The following NUP58 variants were observed in gnomAD, a reference collection of about 807,000 sequenced individuals.
NUP58 encodes the protein nucleoporin 58, also known as nucleoporin p58/p45.
Under a neutral mutation model 70.1 loss-of-function variants are expected in NUP58, and 17 were observed. The observed-to-expected ratio is 0.24, with a 90% CI of 0.17 to 0.36. The LOEUF is 0.36. NUP58 is among the 10% of genes least tolerant of loss of function. The pLI, the probability that NUP58 is intolerant of heterozygous loss-of-function variation, is 1.00. For synonymous variants in NUP58, 275 were observed against 257.6 expected, an observed-to-expected ratio of 1.07 and a Z score of -0.65; for missense variants, 644 against 701.5, an observed-to-expected ratio of 0.92 and a Z score of 0.93.
chr13:25,340,288 C>A lies in NUP58; in HGVS notation c.*154C>A. 1 of 626,302 alleles carries A rather than the reference C, an allele frequency of 1.6e-6. No homozygotes were observed. The highest frequency in any genetic ancestry group is 2.5e-6 in the Non-Finnish European group (1 of 404,268). 38.8% of individuals were successfully genotyped at this position (626,302 alleles called of 1,614,324 possible). ...GAATTTGAACTTTCTTCATGTTTGC[C>A]ATACTGAACATCTTTTTTCTTGTGG... On this transcript the variant is annotated 3_prime_UTR_variant, in exon 16 of 16. Transcript: ENST00000381736.
At chr13:25,326,830 A>G in intron 10 of NUP58, 86 bp from the exon 11 acceptor site, 1 of 693,518 alleles carries the variant, frequency 1.4e-6, no homozygotes, top group Admixed American at 2.6e-5. Context: ...GAAGACTATT[A>G]AATGATTGCA....
intron 15 of NUP58, among the ~76,000 whole-genome samples, chr13:25,339,422 A>G (rs1412734827): frequency 2.0e-5 from 3 of 152,242 alleles, no homozygotes. Context: ...CCATGTTATC[A>G]GGATTATAAT....
At chr13:25,335,436 T>C in intron 13 of NUP58, 1 of 985,332 alleles carries the variant, frequency 1.0e-6, no homozygotes, top group Non-Finnish European at 1.2e-6. Context: ...GTTAAAGAAC[T>C]GGACATGTGT....
At chr13:25,306,618 G>T (rs568850519) in intron 1 of NUP58, among the ~76,000 whole-genome samples, 116 of 152,194 alleles carry the variant, frequency 7.6e-4, no homozygotes, top group African/African-American at 2.6e-3. Flanking sequence ...GGGCAGCAAA[G>T]GAAATAATAA....
intron 1 of NUP58, among the ~76,000 whole-genome samples, chr13:25,305,145 T>TG (rs777661901): frequency 0.054 from 2,971 of 55,202 alleles, 105 homozygotes; most frequent in South Asian, 0.084. Flanking sequence ...TTTTTTTTTT[T>TG]TTTTTTTTTT....
At chr13:25,306,587 T>C (rs1279758082) in intron 1 of NUP58, among the ~76,000 whole-genome samples, 1 of 152,062 alleles carries the variant, frequency 6.6e-6, no homozygotes, top group Non-Finnish European at 1.5e-5. Context: ...GGTTCTCCCA[T>C]GGTGATTATT....
chr13:25,312,524 C>T lies in NUP58; in HGVS notation c.287-359C>T, dbSNP rs115158488. Among the ~76,000 whole-genome samples the T allele has an allele frequency of 3.0e-3, 454 of 152,276 alleles. 5 individuals are homozygous for T. The highest frequency in any genetic ancestry group is 0.01 in the African/African-American group (436 of 41,556). On this transcript the variant is annotated intron_variant, in intron 3 of 15. Transcript: ENST00000381736. ...CTGGGGTTACAAGTGTGCACCACCA[C>T]ATTGAGCTAATTTTTGTATTTTAGC...
chr13:25,337,039 A>G lies in NUP58; in HGVS notation c.1534+5A>G. 2 of 1,574,152 alleles carry G rather than the reference A, an allele frequency of 1.3e-6. No individual in the cohort carries two copies. Among genetic ancestry groups the G allele is most frequent in the Non-Finnish European group, 1.7e-6 (2 of 1,158,332 alleles). ...TAGGTTCTTCAAACCTTGGAGGTAC[A>G]CTTTAACTTTTCTAATATTTCATTG... On this transcript the variant is annotated splice_donor_5th_base_variant and intron_variant, in intron 14 of 15. Transcript: ENST00000381736.
At chr13:25,310,195 A>C (rs1490435235) in intron 3 of NUP58, among the ~76,000 whole-genome samples, 1 of 137,258 alleles carries the variant, frequency 7.3e-6, no homozygotes, top group African/African-American at 2.8e-5. Context: ...ACATACCACA[A>C]CCCTTGGCTA....
chr13:25,334,354 T>A (rs2137823513), intron 13 of NUP58: 1 of 985,414 alleles, frequency 1.0e-6, no homozygotes, highest in Admixed American at 6.1e-5. Context: ...GAGTTCTTGA[T>A]GTTTACATAA....
At chr13:25,336,155 G>A in intron 13 of NUP58, 2 of 1,341,144 alleles carry the variant, frequency 1.5e-6, no homozygotes, top group Non-Finnish European at 2.0e-6. Context: ...TGAATGTATT[G>A]AATCTGTCAA....
rs2031959427 is a variant in NUP58 at position 25,341,667 on chromosome 13, A to T, written c.*1533A>T. 6.5e-6 allele frequency: 1 copy of T among 152,692 alleles called. No homozygotes were observed. The highest frequency in any genetic ancestry group is 1.5e-5 in the Non-Finnish European group (1 of 68,038). The allele number at this position is 152,692 out of a possible 1,614,324, so 9.5% of individuals were successfully genotyped here. A position where few individuals can be genotyped will look rare whatever the true frequency, so the allele number is the denominator to read the frequency against. On this transcript the variant is annotated 3_prime_UTR_variant, in exon 16 of 16. Coordinates refer to ENST00000381736, the MANE Select transcript of NUP58 (RefSeq NM_014089.4). ...ATATTTGACTACATTAGTATTAGTG[A>T]CATCAGGTGGATATAAAAGAAAACC...
Position 25,324,972 on chromosome 13 carries a change from ATC to A in NUP58, c.952-16_952-15del. ...AACTGGCTTTTTTTTTTTTTTTTAA[ATC>A]CTCTGGTATATTAGGAGTTGAAGAA... is the stretch of plus-strand genomic sequence containing the variant. On this transcript the variant is annotated splice_polypyrimidine_tract_variant and intron_variant, in intron 9 of 15. Transcript: ENST00000381736. 2 of 1,476,590 alleles carry A rather than the reference ATC, an allele frequency of 1.4e-6. No individual in the cohort carries two copies. Among genetic ancestry groups the A allele is most frequent in the Non-Finnish European group, 1.8e-6 (2 of 1,094,922 alleles). The allele number at this position is 1,476,590 out of a possible 1,614,324, so 91.5% of individuals were successfully genotyped here.
At chr13:25,332,486 A>G (rs1593197786) in intron 13 of NUP58, 2 of 984,052 alleles carry the variant, frequency 2.0e-6, no homozygotes, top group Non-Finnish European at 2.4e-6. Context: ...ATTCAATAGC[A>G]TGTGTCTTTC....
intron 14 of NUP58, 26 bp downstream of exon 14, chr13:25,337,060 C>T: frequency 2.0e-6 from 3 of 1,471,992 alleles, no homozygotes; most frequent in Non-Finnish European, 2.8e-6. Flanking sequence ...TCTAATATTT[C>T]ATTGAACTAT....
intron 13 of NUP58, chr13:25,336,086 C>A (rs988621531): frequency 1.6e-6 from 2 of 1,239,116 alleles, no homozygotes; most frequent in African/African-American, 3.3e-5. Flanking sequence ...GATGACTAAT[C>A]GTTCTGCTTC....
intron 2 of NUP58, among the ~76,000 whole-genome samples, chr13:25,308,657 A>G (rs977234209): frequency 3.9e-5 from 6 of 152,160 alleles, no homozygotes; most frequent in African/African-American, 1.2e-4. Flanking sequence ...GTATTATTAA[A>G]ACAAAGTGGG....
At chr13:25,337,897 A>G (rs4378490) in intron 14 of NUP58, among the ~76,000 whole-genome samples, 48,281 of 152,126 alleles carry the variant, frequency 0.32, 13,876 homozygotes, top group African/African-American at 0.75. Context: ...CAAAATAACC[A>G]AAAAAGAATT....
intron 12 of NUP58, among the ~76,000 whole-genome samples, chr13:25,329,540 A>C (rs2031528693): frequency 6.6e-6 from 1 of 152,212 alleles, no homozygotes. Context: ...CAGGAACGAA[A>C]GGATATTCCC....
Sources: gnomAD v4.1 joint callset for allele counts (sites outside exome capture counted in the v4.1 genomes callset) on GRCh38, gnomAD v4.1.1 for gene constraint, MANE v1.5 for transcripts, NCBI Gene and HGNC (gene_info 2026-07-23, HGNC 2026-07-21) for gene names.